TRPM3: variants seen among roughly 807,000 people sequenced by gnomAD.
TRPM3 encodes transient receptor potential cation channel subfamily M member 3.
In TRPM3, 77 loss-of-function variants were observed where a neutral mutation model predicts 181.2. The observed-to-expected ratio is 0.42, with a 90% CI of 0.35 to 0.51. TRPM3 has a LOEUF of 0.51. Ranked by LOEUF, TRPM3 falls within the 20% of genes least tolerant of loss-of-function variation. The pLI, the probability that TRPM3 is intolerant of heterozygous loss-of-function variation, is 0.01. For missense variants in TRPM3, 1,759 were observed against 2,196.7 expected, an observed-to-expected ratio of 0.80 and a Z score of 3.98; for synonymous variants, 745 against 796.4, an observed-to-expected ratio of 0.94 and a Z score of 1.09.
chr9:70,646,499 C>T (rs1422919879), intron 9 of TRPM3, among the ~76,000 whole-genome samples: 1 of 152,048 alleles, frequency 6.6e-6, no homozygotes, highest in African/African-American at 2.4e-5. Context: ...TGTTCTCACT[C>T]ATAGTGGGAG....
At chr9:71,123,150 CTT>C (rs1426153811), upstream of TRPM3, among the ~76,000 whole-genome samples, 1 of 152,226 alleles carries the variant, frequency 6.6e-6, no homozygotes, top group East Asian at 1.9e-4. Context: ...CAAGCTTTCT[CTT>C]GTCTCCTATT....
intron 1 of TRPM3, among the ~76,000 whole-genome samples, chr9:70,979,759 A>G (rs2097344340): frequency 2.6e-5 from 4 of 152,124 alleles, no homozygotes; most frequent in Admixed American, 1.3e-4. Flanking sequence ...ATTTTCTCAC[A>G]GTTCTGGAGG....
At chr9:71,430,742 C>T (rs566074316) in intron 1 of TRPM3, among the ~76,000 whole-genome samples, 5 of 151,932 alleles carry the variant, frequency 3.3e-5, no homozygotes, top group South Asian at 2.1e-4. Context: ...ACTCAAGAGG[C>T]GGAGGTTGCA....
chr9:71,446,548 G>C (rs1242381861), intron 1 of TRPM3: 1 of 1,196,372 alleles, frequency 8.4e-7, no homozygotes, highest in African/African-American at 1.6e-5. Flanking sequence ...CAAGTTCCCT[G>C]GCTCTCACCC....
At chr9:70,537,919 A>G (rs999173776) in intron 25 of TRPM3, among the ~76,000 whole-genome samples, 2 of 152,212 alleles carry the variant, frequency 1.3e-5, no homozygotes, top group African/African-American at 2.4e-5. Context: ...TGCAATACAC[A>G]TGTAAAATGA....
intron 1 of TRPM3, among the ~76,000 whole-genome samples, chr9:70,950,844 G>C (rs2096990284): frequency 6.6e-6 from 1 of 152,068 alleles, no homozygotes; most frequent in African/African-American, 2.4e-5. Context: ...AAGCTTTCCT[G>C]ATCTCTTACA....
chr9:70,759,660 A>T (rs557447189), intron 8 of TRPM3, among the ~76,000 whole-genome samples: 1 of 152,340 alleles, frequency 6.6e-6, no homozygotes, highest in Non-Finnish European at 1.5e-5. Flanking sequence ...GCCATAAAAA[A>T]GGATGAGTTC....
Position 70,881,707 on chromosome 9 carries a change from A to T in TRPM3, c.178-17196T>A, listed in dbSNP as rs570952817. Among the ~76,000 whole-genome samples the T allele has an allele frequency of 1.2e-4, 19 of 152,342 alleles. No homozygotes were observed. The South Asian group carries it at 1.4e-3, about 12-fold the overall frequency. On this transcript the variant is annotated intron_variant, in intron 1 of 25. Coordinates refer to ENST00000677713, the MANE Select transcript of TRPM3 (RefSeq NM_001366145.2). The stretch of plus-strand genomic sequence containing the variant: ...CATCTCCTCTGTGGGCTAACAAAAG[A>T]TGACATTGCAATGGTGCTTTTGGCC...
intron 22 of TRPM3, among the ~76,000 whole-genome samples, chr9:70,561,028 GC>G (rs1487760939): frequency 6.6e-6 from 1 of 152,104 alleles, no homozygotes; most frequent in Non-Finnish European, 1.5e-5. Flanking sequence ...TAAAAATATG[GC>G]AAAAAAGGAT....
In TRPM3 at chr9:71,254,207, T is replaced by G. The variant is rs571273045; in HGVS notation, c.183+192446A>C. Among the ~76,000 whole-genome samples the G allele has an allele frequency of 2.0e-5, 3 of 152,298 alleles. No individual in the cohort carries two copies. In the South Asian group the frequency reaches 6.2e-4, roughly 32 times the overall value. ...TGCTGGGATTACAGGCAAGAGCCACTGCGCCTGGCTGGATAACATTATTTT... is the reference window on the plus strand; with the variant it reads ...TGCTGGGATTACAGGCAAGAGCCACGGCGCCTGGCTGGATAACATTATTTT... On this transcript the variant is annotated intron_variant, in intron 1 of 24. Coordinates refer to the TRPM3 transcript ENST00000357533.
At chr9:70,832,641 G>A (rs2094016868) in intron 5 of TRPM3, among the ~76,000 whole-genome samples, 1 of 152,194 alleles carries the variant, frequency 6.6e-6, no homozygotes, top group African/African-American at 2.4e-5. Context: ...GACTGATTCA[G>A]AGACACTATG....
chr9:71,190,575 T>C (rs2077957826), intron 1 of TRPM3, among the ~76,000 whole-genome samples: 2 of 151,774 alleles, frequency 1.3e-5, no homozygotes, highest in Non-Finnish European at 1.5e-5. Context: ...TGATTAAGAG[T>C]AGGATAAAGG....
chr9:71,285,368 CCT>C (rs2085194623), intron 1 of TRPM3, among the ~76,000 whole-genome samples: 1 of 152,186 alleles, frequency 6.6e-6, no homozygotes. Flanking sequence ...ATGGCCTTTG[CCT>C]CTTTTTCTTC....
At chr9:71,335,204 G>T (rs2090469032) in intron 1 of TRPM3, among the ~76,000 whole-genome samples, 1 of 152,080 alleles carries the variant, frequency 6.6e-6, no homozygotes, top group Non-Finnish European at 1.5e-5. Context: ...CCTGGAGTTA[G>T]CTCTCCTCCC....
rs572536651 is a variant in TRPM3, at chr9:71,003,035, T to A, written c.177+118143A>T. On this transcript the variant is annotated intron_variant, in intron 1 of 25. Coordinates refer to ENST00000677713, the MANE Select transcript of TRPM3 (RefSeq NM_001366145.2). ...TCTTTAAGCTCTTTAAATATAAAAC[T>A]AATCTACTGGCTTTTATATTTCTCT... is the stretch of plus-strand genomic sequence containing the variant. 5.9e-5 allele frequency among the ~76,000 whole-genome samples: 9 copies of A among 152,332 alleles called. No homozygotes were observed. The East Asian group carries it at 1.3e-3, about 23-fold the overall frequency.
At chr9:71,305,786 C>T (rs1466240902) in intron 1 of TRPM3, among the ~76,000 whole-genome samples, 4 of 152,042 alleles carry the variant, frequency 2.6e-5, no homozygotes, top group Non-Finnish European at 4.4e-5. Context: ...TATTGACTTG[C>T]TTTCTCTTTC....
At chr9:71,373,311 T>TAAA (rs35902768) in intron 1 of TRPM3, among the ~76,000 whole-genome samples, 26 of 145,244 alleles carry the variant, frequency 1.8e-4, no homozygotes, top group African/African-American at 4.1e-4. Flanking sequence ...GAAAAACCCT[T>TAAA]AAAAAAAAAA....
chr9:70,923,263 A>G (rs2096676959), intron 1 of TRPM3, among the ~76,000 whole-genome samples: 1 of 152,148 alleles, frequency 6.6e-6, no homozygotes, highest in Non-Finnish European at 1.5e-5. Flanking sequence ...ATACATGTTC[A>G]TGTTCACGTT....
intron 1 of TRPM3, among the ~76,000 whole-genome samples, chr9:71,030,337 G>A (rs1396638975): frequency 1.3e-5 from 2 of 152,100 alleles, no homozygotes; most frequent in African/African-American, 4.8e-5. Flanking sequence ...GGCCGAGGTG[G>A]GCAGATCACT....
Sources: gnomAD v4.1 joint callset for allele counts (sites outside exome capture counted in the v4.1 genomes callset) on GRCh38, gnomAD v4.1.1 for gene constraint, MANE v1.5 for transcripts, NCBI Gene and HGNC (gene_info 2026-07-23, HGNC 2026-07-21) for gene names.